A4GNT: variants seen among roughly 807,000 people sequenced by gnomAD.
A4GNT encodes the protein alpha-1,4-N-acetylglucosaminyltransferase.
In A4GNT, 6 loss-of-function variants were observed where a neutral mutation model predicts 8.3. The ratio of observed to expected loss-of-function variants is 0.72; its 90% CI spans 0.39 to 1.42. A4GNT has a LOEUF of 1.42. Ranked by LOEUF, A4GNT falls within the 40% of genes most tolerant of loss-of-function variation. The pLI is 0.02. For missense variants in A4GNT, 377 were observed against 417.0 expected, an observed-to-expected ratio of 0.90 and a Z score of 0.84; for synonymous variants, 157 against 159.8, an observed-to-expected ratio of 0.98 and a Z score of 0.13.
chr3:138,129,869 AT>A (rs1211710373), intron 2 of A4GNT, among the ~76,000 whole-genome samples: 3 of 152,170 alleles, frequency 2.0e-5, no homozygotes, highest in Non-Finnish European at 4.4e-5. Context: ...GGCTCCAGCG[AT>A]CCTCCTGCCT....
At chr3:138,128,868 C>T (rs775685437) in intron 2 of A4GNT, among the ~76,000 whole-genome samples, 2 of 152,030 alleles carry the variant, frequency 1.3e-5, no homozygotes, top group Non-Finnish European at 1.5e-5. Flanking sequence ...CAGCTGCCAA[C>T]ACAGTGAAAA....
chr3:138,125,284 A>C (rs931827870), intron 2 of A4GNT, among the ~76,000 whole-genome samples: 7 of 152,238 alleles, frequency 4.6e-5, no homozygotes, highest in Admixed American at 2.0e-4. Flanking sequence ...TTAAAATGCT[A>C]ACAACTGACA....
intron 2 of A4GNT, 79 bp from the exon 3 acceptor site, chr3:138,124,957 G>T: frequency 6.6e-7 from 1 of 1,507,184 alleles, no homozygotes; most frequent in African/African-American, 1.4e-5. Flanking sequence ...CAGGCCCAGA[G>T]AGGCTGGGGA....
chr3:138,125,625 G>T (rs2042741039), intron 2 of A4GNT, among the ~76,000 whole-genome samples: 1 of 152,180 alleles, frequency 6.6e-6, no homozygotes, highest in African/African-American at 2.4e-5. Flanking sequence ...GAATGAAGTG[G>T]GTGGATGAAC....
chr3:138,124,375 G>C lies in A4GNT; in HGVS notation c.912C>G (p.Ser304Arg). The C allele has an allele frequency of 6.2e-7, 1 of 1,614,220 alleles. No homozygotes were observed. Among genetic ancestry groups the C allele is most frequent in the Non-Finnish European group, 8.5e-7 (1 of 1,180,046 alleles). The change falls in exon 3 of 3, where the codon AGC becomes AGG. Residue 304 changes from serine (S) to arginine (R), a missense_variant. Physicochemically the swap from Ser to Arg is moderately radical, Grantham distance 110. Coordinates refer to ENST00000236709, the MANE Select transcript of A4GNT (RefSeq NM_016161.3). ...GATAGAGATTTTCCACCAGTGTGTT[G>C]CTTCCTCTAATCACAGCCCGCCCCT... ...NQEGRAVIRG[S>R]NTLVENLYRK...
At chr3:138,131,913 A>T (rs2042780935) in intron 1 of A4GNT, among the ~76,000 whole-genome samples, 1 of 152,234 alleles carries the variant, frequency 6.6e-6, no homozygotes, top group Non-Finnish European at 1.5e-5. Flanking sequence ...CAGGAATATG[A>T]TATGAATGTC....
At position 138,132,387 on chromosome 3, in the gene A4GNT, T is replaced by C. The variant is rs1387510963; in HGVS notation, c.-202A>G. On this transcript the variant is annotated 5_prime_UTR_variant, in exon 1 of 3. Transcript: ENST00000236709. ...TAACCAGTATTTGAGGTCTTAGAAA[T>C]GACAAGTTCTTCCTGCTACACTTTC... 3.3e-5 allele frequency: 5 copies of C among 152,258 alleles called. No individual in the cohort carries two copies. The East Asian group carries it at 7.7e-4, about 23-fold the overall frequency. 9.4% of individuals were successfully genotyped at this position (152,258 alleles called of 1,614,324 possible).
intron 2 of A4GNT, among the ~76,000 whole-genome samples, chr3:138,126,075 G>C (rs1056203438): frequency 2.0e-5 from 3 of 152,192 alleles, no homozygotes; most frequent in Admixed American, 6.5e-5. Flanking sequence ...TCTGGGGTAG[G>C]GTTGGTAGAT....
rs751892570 is a variant in A4GNT at position 138,130,991 on chromosome 3, C to T, written c.266G>A (p.Gly89Asp). ...GGGCATCGGTGTGGAATCAGTAAGA[C>T]CCTTCATAAAGAACACCACAGGCCA... is the stretch of plus-strand genomic sequence containing the variant. ...PEWPVVFFMK[G>D]LTDSTPMPSN... Residue 89 changes from glycine (G) to aspartate (D), a missense_variant, in exon 2 of 3, where the codon GGT becomes GAT. Gly to Asp is a moderately conservative substitution (Grantham distance 94). Transcript: ENST00000236709. 1.9e-6 allele frequency: 3 copies of T among 1,613,904 alleles called. No homozygotes were observed. The Admixed American group carries it at 5.0e-5, about 27-fold the overall frequency.
chr3:138,131,928 G>T lies in A4GNT; in HGVS notation c.-27+284C>A, dbSNP rs900856014. Among the ~76,000 whole-genome samples the T allele has an allele frequency of 1.4e-4, 22 of 152,244 alleles. No individual in the cohort carries two copies. In the East Asian group the frequency reaches 4.2e-3, roughly 29 times the overall value. On this transcript the variant is annotated intron_variant, in intron 1 of 2. Coordinates refer to ENST00000236709, the MANE Select transcript of A4GNT (RefSeq NM_016161.3). The stretch of plus-strand genomic sequence containing the variant: ...CAGGAATATGATATGAATGTCCATT[G>T]TCATTGTCACTGACATCATTGGTTA...
intron 1 of A4GNT, among the ~76,000 whole-genome samples, chr3:138,131,973 A>C (rs1386143459): frequency 6.6e-6 from 1 of 152,262 alleles, no homozygotes; most frequent in Non-Finnish European, 1.5e-5. Context: ...AATTGTAACC[A>C]ATGCAATAAA....
Position 138,124,079 on chromosome 3 carries a change from T to G in A4GNT, c.*185A>C. 1.4e-6 allele frequency: 1 copy of G among 735,024 alleles called. No homozygotes were observed. The allele number at this position is 735,024 out of a possible 1,614,324, so 45.5% of individuals were successfully genotyped here. On this transcript the variant is annotated 3_prime_UTR_variant, in exon 3 of 3. Coordinates refer to ENST00000236709, the MANE Select transcript of A4GNT (RefSeq NM_016161.3). ...GTCAAGCAGTCAAATGGACCATGGGTGTATGTTTTATAGCCAGTATCATTT... is the reference window on the plus strand; with the variant it reads ...GTCAAGCAGTCAAATGGACCATGGGGGTATGTTTTATAGCCAGTATCATTT...
rs371893044 is a variant in A4GNT, at chr3:138,130,917, C to T, written c.340G>A (p.Val114Ile). The T allele has an allele frequency of 6.4e-5, 104 of 1,613,942 alleles. 1 individual carries two copies. Among genetic ancestry groups the T allele is most frequent in the South Asian group, 5.8e-4 (53 of 91,060 alleles). The change falls in exon 2 of 3, where the codon GTT becomes ATT. Residue 114 changes from valine (V) to isoleucine (I), a missense_variant. Physicochemically the swap from Val to Ile is conservative, Grantham distance 29 (BLOSUM62 3). Transcript: ENST00000236709. Reference sequence around the variant, plus strand: ...TTCATATCCAAAGGGAAGAGGAAAACGTTGTCTATTGCTGACAGGAAGGAA... The same window carrying T: ...TTCATATCCAAAGGGAAGAGGAAAATGTTGTCTATTGCTGACAGGAAGGAA... Reference protein sequence around the residue: ...AFSFLSAIDNVFLFPLDMKRL... With the variant: ...AFSFLSAIDNIFLFPLDMKRL...
chr3:138,132,356 T>A lies in A4GNT; in HGVS notation c.-171A>T, dbSNP rs2724692. Reference sequence around the variant, plus strand: ...TCAGAGCCTAACTTCTAGCTGCAAATGCAGTTAACCAGTATTTGAGGTCTT... The same window carrying A: ...TCAGAGCCTAACTTCTAGCTGCAAAAGCAGTTAACCAGTATTTGAGGTCTT... On this transcript the variant is annotated 5_prime_UTR_variant, in exon 1 of 3. Coordinates refer to ENST00000236709, the MANE Select transcript of A4GNT (RefSeq NM_016161.3). 6.6e-6 allele frequency: 1 copy of A among 152,092 alleles called. No individual in the cohort carries two copies. The highest frequency in any genetic ancestry group is 1.5e-5 in the Non-Finnish European group (1 of 68,020). 9.4% of individuals were successfully genotyped at this position (152,092 alleles called of 1,614,324 possible). A position where few individuals can be genotyped will look rare whatever the true frequency, so the allele number is the denominator to read the frequency against.
At chr3:138,131,809 G>A (rs892740267) in intron 1 of A4GNT, among the ~76,000 whole-genome samples, 2 of 152,032 alleles carry the variant, frequency 1.3e-5, no homozygotes, top group Admixed American at 1.3e-4. Flanking sequence ...TAAAGTACAA[G>A]GAAACTTTCT....
intron 2 of A4GNT, among the ~76,000 whole-genome samples, chr3:138,127,587 A>C (rs1207618268): frequency 1.3e-5 from 2 of 151,804 alleles, no homozygotes; most frequent in African/African-American, 2.4e-5. Flanking sequence ...AAAAAAAAAA[A>C]CAAAAAACAT....
At chr3:138,131,401 T>C in intron 1 of A4GNT, 119 bp from the exon 2 acceptor site, 1 of 881,928 alleles carries the variant, frequency 1.1e-6, no homozygotes, top group Non-Finnish European at 1.6e-6. Context: ...CTAAATAAAA[T>C]ATGATGAAAT....
intron 2 of A4GNT, 24 bp from the exon 3 acceptor site, chr3:138,124,902 C>T: frequency 1.3e-6 from 2 of 1,596,374 alleles, no homozygotes; most frequent in Non-Finnish European, 1.7e-6. Flanking sequence ...TGCAAATCAG[C>T]CCCAAGTAGC....
Position 138,124,488 on chromosome 3 carries a change from C to G in A4GNT, c.799G>C (p.Glu267Gln). ...CACACTTCATAGTAGCGCCTCCACT[C>G]TCGATAGGAGATGGGGTAAAATCTT... The part of the protein sequence containing the change: ...PQRFYPISYR[E>Q]WRRYYEVWDT... Residue 267 changes from glutamate to glutamine, a missense_variant, in exon 3 of 3, where the codon GAG becomes CAG. Physicochemically the swap from Glu to Gln is conservative, Grantham distance 29. Coordinates refer to ENST00000236709, the MANE Select transcript of A4GNT (RefSeq NM_016161.3). 6.2e-7 allele frequency: 1 copy of G among 1,614,222 alleles called. No homozygotes were observed. The highest frequency in any genetic ancestry group is 2.2e-5 in the East Asian group (1 of 44,876).
Sources: gnomAD v4.1 joint callset for allele counts (sites outside exome capture counted in the v4.1 genomes callset) on GRCh38, gnomAD v4.1.1 for gene constraint, MANE v1.5 for transcripts, NCBI Gene and HGNC (gene_info 2026-07-23, HGNC 2026-07-21) for gene names.